The following DPYD variants were observed in gnomAD, a reference collection of about 807,000 sequenced individuals.
DPYD encodes dihydropyrimidine dehydrogenase, also known as dihydropyrimidine dehydrogenase [NADP(+)].
Under a neutral mutation model 116.2 loss-of-function variants are expected in DPYD, and 109 were observed. The observed-to-expected ratio is 0.94, with a 90% confidence interval of 0.80 to 1.10. The LOEUF (loss-of-function observed/expected upper bound fraction) is 1.10. DPYD is among the 50% of genes least tolerant of loss of function. The pLI is 0.00. For missense variants in DPYD, 1,302 were observed against 1,254.5 expected (o/e 1.04, Z -0.57); for synonymous variants, 440 against 432.0 (o/e 1.02, Z -0.23).
At chr1:97,261,768 T>C (rs1663899727) in intron 18 of DPYD, among the ~76,000 whole-genome samples, 1 of 152,008 alleles carries the variant, frequency 6.6e-6, no homozygotes, top group Non-Finnish European at 1.5e-5. Flanking sequence ...TGAAGTCTGA[T>C]TTTTGGCATT....
At chr1:97,363,655 T>C (rs1670866065) in intron 16 of DPYD, among the ~76,000 whole-genome samples, 8 of 152,064 alleles carry the variant, frequency 5.3e-5, no homozygotes. Context: ...CTTTGCAGGA[T>C]CATGGATACA....
At chr1:97,226,214 A>C (rs1353907457) in intron 19 of DPYD, among the ~76,000 whole-genome samples, 1 of 152,184 alleles carries the variant, frequency 6.6e-6, no homozygotes, top group Non-Finnish European at 1.5e-5. Context: ...CTCTCAAAAA[A>C]TTAGATATAC....
chr1:97,471,118 T>G (rs892298587), intron 13 of DPYD, among the ~76,000 whole-genome samples: 6 of 152,210 alleles, frequency 3.9e-5, no homozygotes, highest in African/African-American at 1.4e-4. Context: ...CCATACATCT[T>G]TTCTGAAAAC....
intron 2 of DPYD, among the ~76,000 whole-genome samples, chr1:97,882,831 G>C (rs996460981): frequency 2.6e-5 from 4 of 151,916 alleles, no homozygotes; most frequent in Non-Finnish European, 4.4e-5. Flanking sequence ...AGATACCAGT[G>C]TATCTATAGC....
chr1:97,872,754 C>T (rs962148613), intron 2 of DPYD, among the ~76,000 whole-genome samples: 2 of 151,836 alleles, frequency 1.3e-5, no homozygotes, highest in South Asian at 4.1e-4. Flanking sequence ...GACTATAGAA[C>T]TTTTCGAGAA....
chr1:97,263,440 G>A (rs1303606442), intron 18 of DPYD, among the ~76,000 whole-genome samples: 2 of 152,102 alleles, frequency 1.3e-5, no homozygotes, highest in Admixed American at 1.3e-4. Context: ...TAATACAGAT[G>A]AGATGATGGG....
intron 16 of DPYD, among the ~76,000 whole-genome samples, chr1:97,315,478 C>T (rs1350798391): frequency 2.6e-5 from 4 of 151,822 alleles, no homozygotes; most frequent in African/African-American, 9.7e-5. Flanking sequence ...CACTTTTTTC[C>T]TTTCACAAGC....
intron 7 of DPYD, among the ~76,000 whole-genome samples, chr1:97,681,711 T>C (rs1415873222): frequency 5.3e-5 from 8 of 152,154 alleles, no homozygotes. Context: ...ATAATACATA[T>C]TTTATTGAAA....
At chr1:97,665,864 G>A (rs1005433121) in intron 8 of DPYD, among the ~76,000 whole-genome samples, 7 of 152,274 alleles carry the variant, frequency 4.6e-5, no homozygotes, top group Admixed American at 1.3e-4. Flanking sequence ...AAGGAACTAT[G>A]CTCTGGATGG....
chr1:97,563,240 T>G lies in DPYD; in HGVS notation c.1339+10520A>C, dbSNP rs553639322. Among the ~76,000 whole-genome samples, 18 of 152,352 alleles carry G rather than the reference T, an allele frequency of 1.2e-4. No homozygotes were observed. The South Asian group carries it at 3.5e-3, about 30-fold the overall frequency. The stretch of plus-strand genomic sequence containing the variant: ...ATCTCACAGCGGCTTAGTTTTAGTT[T>G]AACATTTCACCAGCATGTTAGGTTT... On this transcript the variant is annotated intron_variant, in intron 11 of 22. Transcript: ENST00000370192.
At chr1:97,642,808 C>G (rs1299890255) in intron 8 of DPYD, among the ~76,000 whole-genome samples, 1 of 150,458 alleles carries the variant, frequency 6.6e-6, no homozygotes, top group Admixed American at 6.6e-5. Flanking sequence ...CTGCAGCACA[C>G]CAGCATGGCA....
At chr1:97,286,384 G>C (rs1375804741) in intron 18 of DPYD, among the ~76,000 whole-genome samples, 1 of 152,122 alleles carries the variant, frequency 6.6e-6, no homozygotes, top group African/African-American at 2.4e-5. Context: ...TGGTGAATCT[G>C]ACGATTATGT....
chr1:97,919,342 T>C (rs904947081), intron 1 of DPYD, among the ~76,000 whole-genome samples: 1 of 152,212 alleles, frequency 6.6e-6, no homozygotes, highest in African/African-American at 2.4e-5. Flanking sequence ...GCTTCTTAAA[T>C]GTTCTTAGTT....
intron 8 of DPYD, among the ~76,000 whole-genome samples, chr1:97,632,434 T>C (rs1483210496): frequency 2.0e-5 from 3 of 152,180 alleles, no homozygotes; most frequent in Non-Finnish European, 4.4e-5. Context: ...GATAAATACA[T>C]GTAGAGATAA....
chr1:97,468,643 A>G (rs1471902037), intron 13 of DPYD, among the ~76,000 whole-genome samples: 1 of 152,236 alleles, frequency 6.6e-6, no homozygotes, highest in African/African-American at 2.4e-5. Context: ...AAGGCAATTT[A>G]CAAATGTAAA....
intron 7 of DPYD, among the ~76,000 whole-genome samples, chr1:97,682,122 A>G (rs1023792012): frequency 3.9e-5 from 6 of 152,020 alleles, no homozygotes; most frequent in African/African-American, 1.5e-4. Context: ...TGTAATATAT[A>G]AGAAAGATGC....
At chr1:97,610,556 G>T (rs765222748) in intron 8 of DPYD, among the ~76,000 whole-genome samples, 21 of 152,010 alleles carry the variant, frequency 1.4e-4, no homozygotes, top group Admixed American at 1.2e-3. Flanking sequence ...TACCCTCACT[G>T]CTTCCAGGTC....
intron 8 of DPYD, among the ~76,000 whole-genome samples, chr1:97,636,963 CA>C (rs2100807752): frequency 6.6e-6 from 1 of 152,220 alleles, no homozygotes; most frequent in South Asian, 2.1e-4. Flanking sequence ...TGTGGGAACC[CA>C]CTCAGGTCCC....
At chr1:97,183,842 T>C (rs1392921622) in intron 20 of DPYD, among the ~76,000 whole-genome samples, 2 of 152,106 alleles carry the variant, frequency 1.3e-5, no homozygotes, top group Non-Finnish European at 2.9e-5. Context: ...GGGTTCATTA[T>C]ACAGGTTATT....
Sources: gnomAD v4.1 joint callset for allele counts (sites outside exome capture counted in the v4.1 genomes callset) on GRCh38, gnomAD v4.1.1 for gene constraint, MANE v1.5 for transcripts, NCBI Gene and HGNC (gene_info 2026-07-23, HGNC 2026-07-21) for gene names.